C8orf34: variants seen among roughly 807,000 people sequenced by gnomAD.
C8orf34 encodes uncharacterized protein C8orf34.
A neutral mutation model predicts 68.3 loss-of-function variants in C8orf34; 65 were observed. The ratio of observed to expected loss-of-function variants is 0.95; its 90% CI spans 0.78 to 1.17. The LOEUF (loss-of-function observed/expected upper bound fraction) is 1.17. Ranked by LOEUF, C8orf34 falls within the 50% of genes most tolerant of loss-of-function variation. C8orf34 has a pLI of 0.00. For missense variants in C8orf34, 664 were observed against 655.4 expected (o/e 1.01, Z -0.14); for synonymous variants, 244 against 241.2 (o/e 1.01, Z -0.11).
At chr8:68,662,427 C>T (rs1819707616) in intron 8 of C8orf34, among the ~76,000 whole-genome samples, 1 of 152,090 alleles carries the variant, frequency 6.6e-6, no homozygotes, top group Non-Finnish European at 1.5e-5. Flanking sequence ...TTATAATAAT[C>T]CCCACTTGTC....
At chr8:68,768,538 C>T (rs149384843) in intron 10 of C8orf34, among the ~76,000 whole-genome samples, 377 of 152,092 alleles carry the variant, frequency 2.5e-3, no homozygotes, top group South Asian at 8.3e-3. Flanking sequence ...TTTTTCCATA[C>T]CAACAATTCT....
At chr8:68,590,016 T>TA (rs1817338014) in intron 7 of C8orf34, among the ~76,000 whole-genome samples, 2 of 139,840 alleles carry the variant, frequency 1.4e-5, no homozygotes, top group African/African-American at 5.4e-5. Flanking sequence ...AAAAAATTTT[T>TA]AAAAAAGGAT....
chr8:68,449,903 A>G (rs1285173493), intron 3 of C8orf34, among the ~76,000 whole-genome samples: 1 of 152,106 alleles, frequency 6.6e-6, no homozygotes, highest in Non-Finnish European at 1.5e-5. Context: ...CTTTTCATGA[A>G]AAAGTTATTC....
At chr8:68,794,037 TATATTC>T in intron 12 of C8orf34, among the ~76,000 whole-genome samples, 1 of 152,182 alleles carries the variant, frequency 6.6e-6, no homozygotes, top group East Asian at 1.9e-4. Flanking sequence ...TAACAAATGT[TATATTC>T]ATAAGCTATG....
chr8:68,500,981 A>T (rs972907966), intron 5 of C8orf34, among the ~76,000 whole-genome samples: 1 of 152,214 alleles, frequency 6.6e-6, no homozygotes, highest in African/African-American at 2.4e-5. Context: ...TAGATGTCCC[A>T]TCTGTCCAAA....
At chr8:68,785,465 C>A (rs773092815) in intron 11 of C8orf34, among the ~76,000 whole-genome samples, 2 of 152,060 alleles carry the variant, frequency 1.3e-5, no homozygotes, top group Non-Finnish European at 2.9e-5. Flanking sequence ...GAATTGTTAA[C>A]CCGTACTCCT....
At chr8:68,640,910 C>T (rs1233658223) in intron 8 of C8orf34, among the ~76,000 whole-genome samples, 13 of 152,186 alleles carry the variant, frequency 8.5e-5, no homozygotes, top group African/African-American at 3.1e-4. Flanking sequence ...TCTTAACCTG[C>T]CCCTTATCCT....
At chr8:68,784,547 A>G (rs1242789661) in intron 11 of C8orf34, among the ~76,000 whole-genome samples, 1 of 152,204 alleles carries the variant, frequency 6.6e-6, no homozygotes, top group African/African-American at 2.4e-5. Context: ...CACATCCTTA[A>G]GGGTGGAGAA....
chr8:68,529,950 T>G (rs1441535943), intron 6 of C8orf34, among the ~76,000 whole-genome samples: 1 of 152,070 alleles, frequency 6.6e-6, no homozygotes, highest in Non-Finnish European at 1.5e-5. Flanking sequence ...TAACATCTGC[T>G]TCAAACAGTT....
At chr8:68,722,134 G>T (rs893689431) in intron 10 of C8orf34, among the ~76,000 whole-genome samples, 3 of 152,032 alleles carry the variant, frequency 2.0e-5, no homozygotes, top group African/African-American at 7.2e-5. Context: ...AGAAATCAAA[G>T]ATCAAAGTGT....
At chr8:68,735,823 G>A (rs1822106814) in intron 10 of C8orf34, among the ~76,000 whole-genome samples, 1 of 151,908 alleles carries the variant, frequency 6.6e-6, no homozygotes, top group South Asian at 2.1e-4. Flanking sequence ...AACTATATTT[G>A]TCCTGACCCA....
At chr8:68,448,665 AC>A (rs1247076597) in intron 3 of C8orf34, among the ~76,000 whole-genome samples, 1 of 152,174 alleles carries the variant, frequency 6.6e-6, no homozygotes, top group African/African-American at 2.4e-5. Context: ...GAAATTGGAC[AC>A]CAATATTGTA....
At chr8:68,683,342 G>A (rs1019767736) in intron 8 of C8orf34, among the ~76,000 whole-genome samples, 13 of 151,318 alleles carry the variant, frequency 8.6e-5, no homozygotes, top group African/African-American at 2.4e-5. Flanking sequence ...AGAATCAATA[G>A]TCAGCCTATA....
chr8:68,743,395 C>T (rs1285980692), intron 10 of C8orf34, among the ~76,000 whole-genome samples: 2 of 152,186 alleles, frequency 1.3e-5, no homozygotes, highest in Non-Finnish European at 1.5e-5. Flanking sequence ...CTCTGGTCTA[C>T]AGCTCCCAGC....
At chr8:68,749,106 A>G (rs993659385) in intron 10 of C8orf34, among the ~76,000 whole-genome samples, 2 of 152,048 alleles carry the variant, frequency 1.3e-5, no homozygotes, top group African/African-American at 4.8e-5. Flanking sequence ...ATGAAATTGG[A>G]AATCATCATT....
intron 9 of C8orf34, among the ~76,000 whole-genome samples, chr8:68,716,431 T>C (rs751940410): frequency 6.6e-6 from 1 of 152,036 alleles, no homozygotes; most frequent in Non-Finnish European, 1.5e-5. Flanking sequence ...ACACCTACAA[T>C]TTAATAAATA....
At chr8:68,523,892 GA>G (rs931233743) in intron 6 of C8orf34, among the ~76,000 whole-genome samples, 1 of 152,112 alleles carries the variant, frequency 6.6e-6, no homozygotes, top group African/African-American at 2.4e-5. Flanking sequence ...TCCTGAAAGA[GA>G]AAACTTAATT....
intron 7 of C8orf34, among the ~76,000 whole-genome samples, chr8:68,621,461 C>T (rs942167212): frequency 7.9e-5 from 12 of 152,174 alleles, no homozygotes; most frequent in African/African-American, 2.9e-4. Context: ...GAGAAAATTT[C>T]AGCCTTTATA....
chr8:68,696,405 A>G (rs1402661046), intron 8 of C8orf34, among the ~76,000 whole-genome samples: 1 of 149,926 alleles, frequency 6.7e-6, no homozygotes, highest in East Asian at 2.0e-4. Context: ...TTATATATAC[A>G]TAGTCCCTAT....
Sources: allele counts gnomAD v4.1 joint callset (sites outside exome capture counted in the v4.1 genomes callset), GRCh38; gene constraint gnomAD v4.1.1; transcripts MANE v1.5; gene names NCBI Gene and HGNC (gene_info 2026-07-23, HGNC 2026-07-21).